ASB3: variants seen among roughly 807,000 people sequenced by gnomAD.
ASB3 encodes ankyrin repeat and SOCS box protein 3.
In ASB3, 41 loss-of-function variants were observed where a neutral mutation model predicts 54.5. The ratio of observed to expected loss-of-function variants is 0.75; its 90% CI spans 0.59 to 0.98. The LOEUF (loss-of-function observed/expected upper bound fraction) is 0.98. Ranked by LOEUF, ASB3 falls within the 50% of genes least tolerant of loss-of-function variation. The pLI, the probability that ASB3 is intolerant of heterozygous loss-of-function variation, is 0.00. For missense variants in ASB3, 733 were observed against 620.0 expected (o/e 1.18, Z -1.94); for synonymous variants, 266 against 221.2 (o/e 1.20, Z -1.80).
At position 53,695,012 on chromosome 2, in the gene ASB3, A is replaced by AC. The variant is rs376550748; in HGVS notation, c.1239-999dup. On this transcript the variant is annotated intron_variant, in intron 8 of 9. Transcript: ENST00000263634. ...GATTACTTATCCTGTATTCAATTAG[A>AC]CCCCCCCTACCATCACAATGGTTGG... is the stretch of plus-strand genomic sequence containing the variant. Among the ~76,000 whole-genome samples, 176 of 151,712 alleles carry AC rather than the reference A, an allele frequency of 1.2e-3. 8 individuals carry two copies. Among genetic ancestry groups the AC allele is most frequent in the African/African-American group, 3.2e-3 (133 of 41,394 alleles).
chr2:53,672,878 A>G (rs1667890220), intron 9 of ASB3, among the ~76,000 whole-genome samples: 1 of 152,180 alleles, frequency 6.6e-6, no homozygotes, highest in Non-Finnish European at 1.5e-5. Flanking sequence ...GCTTATCTTT[A>G]TCAAGTCTTT....
chr2:53,733,394 T>A (rs573083401), intron 3 of ASB3, among the ~76,000 whole-genome samples: 17 of 152,268 alleles, frequency 1.1e-4, no homozygotes, highest in African/African-American at 4.1e-4. Flanking sequence ...CTTCCTCCTT[T>A]TTAGAATTTC....
intron 7 of ASB3, among the ~76,000 whole-genome samples, chr2:53,709,160 G>C (rs1257172650): frequency 6.6e-6 from 1 of 152,200 alleles, no homozygotes; most frequent in African/African-American, 2.4e-5. Context: ...AGGACTGAAT[G>C]GTTTCATGGG....
intron 3 of ASB3, among the ~76,000 whole-genome samples, chr2:53,741,486 G>A (rs1376833491): frequency 6.6e-6 from 1 of 152,180 alleles, no homozygotes; most frequent in Non-Finnish European, 1.5e-5. Flanking sequence ...CTTCCTTGAT[G>A]AAGAAACCAA....
intron 6 of ASB3, 129 bp downstream of exon 6, chr2:53,716,437 T>C: frequency 8.6e-7 from 1 of 1,168,026 alleles, no homozygotes; most frequent in Non-Finnish European, 1.2e-6. Context: ...GGTAGATCTG[T>C]TCACCCAGCA....
At chr2:53,698,323 G>A (rs1392806837) in intron 8 of ASB3, among the ~76,000 whole-genome samples, 1 of 152,106 alleles carries the variant, frequency 6.6e-6, no homozygotes, top group East Asian at 1.9e-4. Context: ...TCTTCTATTT[G>A]TACAAATCTG....
chr2:53,700,134 A>G, intron 8 of ASB3, 137 bp downstream of exon 8: 1 of 1,358,114 alleles, frequency 7.4e-7, no homozygotes, highest in East Asian at 2.4e-5. Context: ...AGCAGCCACC[A>G]ACTCCTTCAC....
chr2:53,778,702 C>A (rs887016639), intron 1 of ASB3, among the ~76,000 whole-genome samples: 2 of 152,202 alleles, frequency 1.3e-5, no homozygotes, highest in African/African-American at 4.8e-5. Context: ...CATGTCGTCA[C>A]AAATGACAAA....
chr2:53,782,873 G>A (rs908771000), intron 1 of ASB3, among the ~76,000 whole-genome samples: 2 of 151,792 alleles, frequency 1.3e-5, no homozygotes, highest in Non-Finnish European at 2.9e-5. Context: ...TGCAACCTCC[G>A]CCTCCCAGGT....
rs1187677389 is a variant in ASB3 at position 53,768,022 on chromosome 2, G to A, written c.-13-2437C>T. The stretch of plus-strand genomic sequence containing the variant: ...GGACCACCGCGGGGTCCCCGGCAAG[G>A]TGAGGCGCCGGTCAGCTCCCCACAC... On this transcript the variant is annotated intron_variant, in intron 1 of 9. Coordinates refer to ENST00000263634, the MANE Select transcript of ASB3 (RefSeq NM_016115.5). The A allele has an allele frequency of 2.5e-6, 4 of 1,613,026 alleles. No individual in the cohort carries two copies. In the African/African-American group the frequency reaches 4.0e-5, roughly 16 times the overall value.
In ASB3 at chr2:53,750,844, A is replaced by G; in HGVS notation, c.294T>C (p.Leu98=). The G allele has an allele frequency of 6.2e-7, 1 of 1,603,240 alleles. No individual in the cohort carries two copies. Among genetic ancestry groups the G allele is most frequent in the South Asian group, 1.1e-5 (1 of 88,062 alleles). ...CATTAGGATCTGCCCCAGCTTCTAAAAGAATCTGTACGATTTTCCAATGTC... is the reference window on the plus strand; with the variant it reads ...CATTAGGATCTGCCCCAGCTTCTAAGAGAATCTGTACGATTTTCCAATGTC... ...SQGHWKIVQI[L]LEAGADPNAT... Residue 98 remains leucine (L), a synonymous_variant, in exon 3 of 10, where the codon CTT becomes CTC. Coordinates refer to ENST00000263634, the MANE Select transcript of ASB3 (RefSeq NM_016115.5).
chr2:53,702,151 G>T (rs1315685952), intron 7 of ASB3, among the ~76,000 whole-genome samples: 2 of 152,108 alleles, frequency 1.3e-5, no homozygotes, highest in African/African-American at 4.8e-5. Flanking sequence ...ACATTGCCTT[G>T]TATTAGAAGG....
At chr2:53,762,102 G>C (rs1003929452) in intron 2 of ASB3, among the ~76,000 whole-genome samples, 5 of 152,176 alleles carry the variant, frequency 3.3e-5, no homozygotes, top group Non-Finnish European at 5.9e-5. Context: ...ATGGCAGATA[G>C]AGAAGATCTG....
chr2:53,700,560 A>C (rs765683376), intron 7 of ASB3, 32 bp from the exon 8 acceptor site: 26 of 1,573,556 alleles, frequency 1.7e-5, no homozygotes, highest in Non-Finnish European at 2.1e-5. Flanking sequence ...CAAAAAAAGA[A>C]GAAGTTAGAC....
intron 2 of ASB3, among the ~76,000 whole-genome samples, chr2:53,752,231 G>C (rs569980528): frequency 7.9e-5 from 12 of 152,326 alleles, no homozygotes; most frequent in African/African-American, 2.9e-4. Context: ...AACTCAAGTT[G>C]ATAAGTCTAG....
intron 3 of ASB3, among the ~76,000 whole-genome samples, chr2:53,736,631 G>A (rs543953879): frequency 2.4e-4 from 36 of 151,944 alleles, no homozygotes; most frequent in Non-Finnish European, 2.8e-4. Context: ...CCCAGGAGGC[G>A]GAGCTTGCAG....
chr2:53,700,711 C>A (rs192998843), intron 7 of ASB3, among the ~76,000 whole-genome samples, 183 bp from the exon 8 acceptor site: 1 of 152,052 alleles, frequency 6.6e-6, no homozygotes, highest in African/African-American at 2.4e-5. Flanking sequence ...TTTTTACACC[C>A]TCCTGCATGG....
rs1297501738 is a variant in ASB3, at chr2:53,700,396, C to T, written c.1113G>A (p.Leu371=). 6.2e-7 allele frequency: 1 copy of T among 1,613,916 alleles called. No homozygotes were observed. Among genetic ancestry groups the T allele is most frequent in the African/African-American group, 1.3e-5 (1 of 74,884 alleles). The change falls in exon 8 of 10, where the codon TTG becomes TTA. Residue 371 remains leucine, a synonymous_variant. Transcript: ENST00000263634. ...FRYFLRKGCS[L]GPWNHIYEFV... Reference sequence around the variant, plus strand: ...ATTCATATATATGGTTCCATGGTCCCAATGAGCAACCTTTCCTCAAAAAGT... The same window carrying T: ...ATTCATATATATGGTTCCATGGTCCTAATGAGCAACCTTTCCTCAAAAAGT...
At chr2:53,700,717 C>A (rs1669442303) in intron 7 of ASB3, among the ~76,000 whole-genome samples, 189 bp from the exon 8 acceptor site, 1 of 152,022 alleles carries the variant, frequency 6.6e-6, no homozygotes, top group Non-Finnish European at 1.5e-5. Flanking sequence ...CACCCTCCTG[C>A]ATGGTTTTTA....
Sources: allele counts gnomAD v4.1 joint callset (sites outside exome capture counted in the v4.1 genomes callset), GRCh38; gene constraint gnomAD v4.1.1; transcripts MANE v1.5; gene names NCBI Gene and HGNC (gene_info 2026-07-23, HGNC 2026-07-21).